The following LIMCH1 variants were observed in gnomAD, a reference collection of about 807,000 sequenced individuals.
The protein encoded by LIMCH1 is LIM and calponin homology domains 1, also known as LIM and calponin homology domains-containing protein 1.
A neutral mutation model predicts 176.5 loss-of-function variants in LIMCH1; 113 were observed. The ratio of observed to expected loss-of-function variants is 0.64; its 90% confidence interval spans 0.55 to 0.75. LIMCH1 has a LOEUF of 0.75. Ranked by LOEUF, LIMCH1 falls within the 30% of genes least tolerant of loss-of-function variation. The pLI, the probability that LIMCH1 is intolerant of heterozygous loss-of-function variation, is 0.00. For synonymous variants in LIMCH1, 619 were observed against 645.9 expected (o/e 0.96, Z 0.63); for missense variants, 1,674 against 1,814.9 (o/e 0.92, Z 1.41).
At chr4:41,362,107 CT>C (rs1412629120) in intron 1 of LIMCH1, among the ~76,000 whole-genome samples, 5 of 152,218 alleles carry the variant, frequency 3.3e-5, no homozygotes, top group African/African-American at 9.6e-5. Context: ...ACCTGCTGAG[CT>C]TCCTGCAGAA....
At chr4:41,687,633 A>G (rs768356172) in intron 28 of LIMCH1, among the ~76,000 whole-genome samples, 36 of 152,176 alleles carry the variant, frequency 2.4e-4, no homozygotes, top group Non-Finnish European at 4.3e-4. Flanking sequence ...GATTTTATGT[A>G]GCTAATACAT....
At chr4:41,692,616 G>C (rs1035737135) in intron 31 of LIMCH1, 8 of 426,532 alleles carry the variant, frequency 1.9e-5, no homozygotes, top group African/African-American at 1.2e-4. Context: ...CAGCACACCA[G>C]CAGGTCAAAA....
At chr4:41,671,051 CT>C (rs2095001821) in intron 21 of LIMCH1, 9 of 888,822 alleles carry the variant, frequency 1.0e-5, no homozygotes, top group Non-Finnish European at 1.2e-5. Context: ...TGAGAGTCCC[CT>C]GCCTTTAAAA....
chr4:41,655,043 A>G (rs1284533676), intron 18 of LIMCH1, among the ~76,000 whole-genome samples: 4 of 152,188 alleles, frequency 2.6e-5, no homozygotes, highest in Non-Finnish European at 4.4e-5. Flanking sequence ...GAGGGCTAAT[A>G]TATCCTATGT....
At chr4:41,669,408 G>C (rs1406407878) in intron 21 of LIMCH1, among the ~76,000 whole-genome samples, 1 of 152,184 alleles carries the variant, frequency 6.6e-6, no homozygotes, top group Non-Finnish European at 1.5e-5. Flanking sequence ...TTTAAAATAA[G>C]AGTGTTCATG....
intron 1 of LIMCH1, among the ~76,000 whole-genome samples, chr4:41,549,222 C>T (rs2080039100): frequency 6.6e-6 from 1 of 152,114 alleles, no homozygotes. Context: ...TATTTAGTAC[C>T]TACAATATGC....
chr4:41,431,920 A>C (rs1394235091), intron 1 of LIMCH1, among the ~76,000 whole-genome samples: 3 of 152,216 alleles, frequency 2.0e-5, no homozygotes, highest in African/African-American at 4.8e-5. Flanking sequence ...CCAATTGAAT[A>C]ATGATTCTGT....
intron 1 of LIMCH1, among the ~76,000 whole-genome samples, chr4:41,425,031 C>T (rs868093772): frequency 7.2e-5 from 11 of 152,184 alleles, no homozygotes; most frequent in Non-Finnish European, 1.3e-4. Flanking sequence ...CTTCCCTGGT[C>T]CATCTCCTCC....
chr4:41,489,139 G>C (rs2070268926), intron 1 of LIMCH1, among the ~76,000 whole-genome samples: 2 of 152,024 alleles, frequency 1.3e-5, no homozygotes, highest in Non-Finnish European at 2.9e-5. Context: ...TGTCATTCTT[G>C]ATATCAGTAA....
At chr4:41,495,739 A>T (rs1036465244) in intron 2 of LIMCH1, among the ~76,000 whole-genome samples, 10 of 152,232 alleles carry the variant, frequency 6.6e-5, no homozygotes, top group Admixed American at 2.6e-4. Flanking sequence ...TCAAAAGGAT[A>T]GAGTGAGTGA....
intron 1 of LIMCH1, among the ~76,000 whole-genome samples, chr4:41,395,151 C>T (rs1171064413): frequency 6.6e-6 from 1 of 151,760 alleles, no homozygotes; most frequent in Non-Finnish European, 1.5e-5. Context: ...TGAAGCTTAC[C>T]TTGGAGAACT....
intron 1 of LIMCH1, among the ~76,000 whole-genome samples, chr4:41,395,658 G>T (rs1054552105): frequency 6.6e-6 from 1 of 152,020 alleles, no homozygotes; most frequent in African/African-American, 2.4e-5. Flanking sequence ...CTGCTCTTAG[G>T]TCTGGGCATA....
At chr4:41,411,537 T>A (rs547306504) in intron 1 of LIMCH1, among the ~76,000 whole-genome samples, 234 of 152,150 alleles carry the variant, frequency 1.5e-3, no homozygotes, top group African/African-American at 5.3e-3. Flanking sequence ...GGAAGTTCCC[T>A]TGAAGCTTTA....
intron 1 of LIMCH1, among the ~76,000 whole-genome samples, chr4:41,493,620 G>C (rs2071501393): frequency 6.6e-6 from 1 of 152,148 alleles, no homozygotes; most frequent in African/African-American, 2.4e-5. Flanking sequence ...TTTTTTATCA[G>C]AGACTTGAGC....
At chr4:41,605,690 C>G (rs964999153) in intron 3 of LIMCH1, among the ~76,000 whole-genome samples, 12 of 150,282 alleles carry the variant, frequency 8.0e-5, no homozygotes, top group Admixed American at 7.3e-4. Context: ...AACTACTCAA[C>G]CGTGTTTGTG....
intron 1 of LIMCH1, among the ~76,000 whole-genome samples, chr4:41,433,833 T>C (rs1324636249): frequency 6.6e-6 from 1 of 152,086 alleles, no homozygotes; most frequent in Non-Finnish European, 1.5e-5. Flanking sequence ...ATAGACCCCA[T>C]TTCTGGAAGG....
intron 1 of LIMCH1, among the ~76,000 whole-genome samples, chr4:41,491,239 C>T (rs144461742): frequency 0.011 from 1,581 of 137,484 alleles, 31 homozygotes; most frequent in African/African-American, 0.042. Flanking sequence ...CCAGATGGGG[C>T]GGCCGGGCAG....
chr4:41,387,025 A>G (rs60972890), intron 1 of LIMCH1, among the ~76,000 whole-genome samples: 251 of 152,338 alleles, frequency 1.6e-3, no homozygotes, highest in African/African-American at 5.5e-3. Flanking sequence ...AGTTCTGAAG[A>G]TGAAGAGCTG....
chr4:41,494,567 A>T, exon 2 of LIMCH1: 1 of 1,613,302 alleles, frequency 6.2e-7, no homozygotes, highest in East Asian at 2.2e-5. Context: ...GGTGATAAAG[A>T]TTTTCGGACA....
Sources: gnomAD v4.1 joint callset for allele counts (sites outside exome capture counted in the v4.1 genomes callset) on GRCh38, gnomAD v4.1.1 for gene constraint, MANE v1.5 for transcripts, NCBI Gene and HGNC (gene_info 2026-07-23, HGNC 2026-07-21) for gene names.